The following CDH20 variants were observed in gnomAD, a reference collection of about 807,000 sequenced individuals.
CDH20 encodes cadherin-20.
Under a neutral mutation model 74.2 loss-of-function variants are expected in CDH20, and 29 were observed. The ratio of observed to expected loss-of-function variants is 0.39; its 90% confidence interval spans 0.29 to 0.53. The LOEUF is 0.53. Among genes scored for constraint, CDH20 ranks in the 20% least tolerant of loss-of-function variants. The pLI is 0.69. For synonymous variants in CDH20, 469 were observed against 405.4 expected (o/e 1.16, Z -1.88); for missense variants, 988 against 1,048.3 (o/e 0.94, Z 0.79).
chr18:61,428,563 C>G (rs1913151237), intron 1 of CDH20, among the ~76,000 whole-genome samples: 2 of 152,158 alleles, frequency 1.3e-5, no homozygotes, highest in African/African-American at 4.8e-5. Flanking sequence ...TGTAGAAGAT[C>G]CCCATCAACA....
chr18:61,337,724 A>G (rs1032774840), intron 1 of CDH20, among the ~76,000 whole-genome samples: 2 of 152,222 alleles, frequency 1.3e-5, no homozygotes, highest in Non-Finnish European at 2.9e-5. Flanking sequence ...ACTCCTTCTG[A>G]AATGACTACT....
In CDH20 at chr18:61,503,003, T is replaced by C. The variant is rs141765516; in HGVS notation, c.712T>C (p.Tyr238His). 8.7e-6 allele frequency: 14 copies of C among 1,614,020 alleles called. 1 individual carries two copies. In the Middle Eastern group the frequency reaches 4.9e-4, roughly 57 times the overall value. ...MNMDREAKEY[Y>H]EVIIQAKDMG... ...CATGGACAGAGAAGCCAAAGAATAC[T>C]ACGAAGTGATTATCCAAGCCAAGGA... The change falls in exon 5 of 12, where the codon TAC becomes CAC. Residue 238 changes from tyrosine (Y) to histidine (H), a missense_variant. Transcript: ENST00000262717.
chr18:61,412,878 T>C (rs1012798535), intron 1 of CDH20, among the ~76,000 whole-genome samples: 2 of 152,288 alleles, frequency 1.3e-5, no homozygotes, highest in Admixed American at 6.5e-5. Context: ...CACACAAGTA[T>C]GTGAACAATG....
At chr18:61,470,106 G>GC (rs1910111627) in intron 1 of CDH20, among the ~76,000 whole-genome samples, 1 of 152,230 alleles carries the variant, frequency 6.6e-6, no homozygotes, top group East Asian at 1.9e-4. Context: ...TCTCACCTCT[G>GC]CCGGCGGTCT....
intron 7 of CDH20, among the ~76,000 whole-genome samples, chr18:61,530,261 T>C (rs1453389950): frequency 6.6e-6 from 1 of 152,188 alleles, no homozygotes; most frequent in Non-Finnish European, 1.5e-5. Context: ...GGTCCTAGAC[T>C]CTCAGAGGGA....
At chr18:61,473,557 T>A (rs1194375173) in intron 1 of CDH20, among the ~76,000 whole-genome samples, 1 of 152,200 alleles carries the variant, frequency 6.6e-6, no homozygotes, top group African/African-American at 2.4e-5. Flanking sequence ...AATAACAGCA[T>A]TTTCCATTCC....
At chr18:61,517,565 C>T (rs757885666) in intron 6 of CDH20, among the ~76,000 whole-genome samples, 5 of 152,178 alleles carry the variant, frequency 3.3e-5, no homozygotes, top group East Asian at 1.9e-4. Context: ...CCAGATATTA[C>T]GCTTTTCCCA....
intron 8 of CDH20, among the ~76,000 whole-genome samples, chr18:61,538,578 C>CTTTGTTTTTTTTTTTT (rs1555684264): frequency 1.4e-4 from 5 of 34,994 alleles, no homozygotes; most frequent in Non-Finnish European, 3.0e-4. Flanking sequence ...TAAATAACTA[C>CTTTGTTTTTTTTTTTT]TTTTTGTTTG....
chr18:61,517,695 T>TG lies in CDH20; in HGVS notation c.1017+10135_1017+10136insG, dbSNP rs1555682482. Among the ~76,000 whole-genome samples, 488 of 152,030 alleles carry TG rather than the reference T, an allele frequency of 3.2e-3. 6 individuals carry two copies. The highest frequency in any genetic ancestry group is 0.011 in the African/African-American group (454 of 41,466). ...AGACACCGAACTAGCTGCAGTTTTTTTTGTTGTTGTTGTTGTTTTGTTTTG... is the reference window on the plus strand; with the variant it reads ...AGACACCGAACTAGCTGCAGTTTTTTGTTGTTGTTGTTGTTGTTTTGTTTTG... On this transcript the variant is annotated intron_variant, in intron 6 of 11. Coordinates refer to ENST00000262717, the MANE Select transcript of CDH20 (RefSeq NM_031891.4).
In CDH20 at chr18:61,555,021, T is replaced by G. The variant is rs550833243; in HGVS notation, c.*326T>G. 1 of 1,154,474 alleles carries G rather than the reference T, an allele frequency of 8.7e-7. No homozygotes were observed. The highest frequency in any genetic ancestry group is 4.2e-5 in the Admixed American group (1 of 23,846). 71.5% of individuals were successfully genotyped at this position (1,154,474 alleles called of 1,614,324 possible). A position where few individuals can be genotyped will look rare whatever the true frequency, so the allele number is the denominator to read the frequency against. On this transcript the variant is annotated 3_prime_UTR_variant, in exon 12 of 12. Coordinates refer to ENST00000262717, the MANE Select transcript of CDH20 (RefSeq NM_031891.4). The stretch of plus-strand genomic sequence containing the variant: ...TGCCATTCGCTAAGGCCTTTGTCAC[T>G]TTTCCACCACAGAAAGGCTCTGGCC...
chr18:61,340,636 C>A (rs1909918008), intron 1 of CDH20, among the ~76,000 whole-genome samples: 1 of 152,086 alleles, frequency 6.6e-6, no homozygotes, highest in South Asian at 2.1e-4. Flanking sequence ...GCTATTAATA[C>A]AAAATATTTT....
chr18:61,457,620 C>A (rs973555216), intron 1 of CDH20, among the ~76,000 whole-genome samples: 1 of 152,152 alleles, frequency 6.6e-6, no homozygotes, highest in South Asian at 2.1e-4. Context: ...GTATGAATGC[C>A]TGTTCCTTCT....
chr18:61,431,145 TCCCATGTTGCCTTC>T (rs1376569659), intron 1 of CDH20, among the ~76,000 whole-genome samples: 1 of 152,172 alleles, frequency 6.6e-6, no homozygotes, highest in Non-Finnish European at 1.5e-5. Flanking sequence ...CTTTCTAGCA[TCCCATGTTGCCTTC>T]CTGCAACCTC....
intron 1 of CDH20, among the ~76,000 whole-genome samples, chr18:61,456,083 C>T (rs972963352): frequency 6.6e-6 from 1 of 152,222 alleles, no homozygotes; most frequent in Non-Finnish European, 1.5e-5. Context: ...ACAAGCTTCA[C>T]CGTTTGGGGT....
intron 1 of CDH20, among the ~76,000 whole-genome samples, chr18:61,431,808 G>GT (rs1472528318): frequency 6.6e-6 from 1 of 152,068 alleles, no homozygotes; most frequent in Non-Finnish European, 1.5e-5. Context: ...CCTTTATCTG[G>GT]TTTTTGTAGC....
chr18:61,478,913 T>G (rs1404049835), intron 1 of CDH20, among the ~76,000 whole-genome samples: 1 of 151,980 alleles, frequency 6.6e-6, no homozygotes, highest in African/African-American at 2.4e-5. Flanking sequence ...CTTGATCCTG[T>G]GAAACTGCAA....
In CDH20 at chr18:61,554,278, C is replaced by A; in HGVS notation, c.1989C>A (p.Val663=). The A allele has an allele frequency of 1.2e-6, 2 of 1,614,026 alleles. No individual in the cohort carries two copies. Among genetic ancestry groups the A allele is most frequent in the Non-Finnish European group, 1.7e-6 (2 of 1,180,016 alleles). The part of the protein sequence containing the change: ...DDEENIHENI[V]RYDDEGGGEE... Reference sequence around the variant, plus strand: ...AGGAAAACATCCACGAGAACATCGTCCGCTACGACGACGAGGGCGGCGGCG... The same window carrying A: ...AGGAAAACATCCACGAGAACATCGTACGCTACGACGACGAGGGCGGCGGCG... The change falls in exon 12 of 12, where the codon GTC becomes GTA. Residue 663 remains valine, a synonymous_variant. Transcript: ENST00000262717.
intron 5 of CDH20, 150 bp downstream of exon 5, chr18:61,503,270 A>G (rs943580946): frequency 1.7e-6 from 1 of 576,376 alleles, no homozygotes; most frequent in African/African-American, 1.9e-5. Flanking sequence ...TTCTCGCATA[A>G]CTATTTGCCT....
chr18:61,479,529 T>C (rs374901509), intron 1 of CDH20, among the ~76,000 whole-genome samples: 72 of 152,346 alleles, frequency 4.7e-4, no homozygotes, highest in African/African-American at 1.7e-3. Context: ...TTATTTATTA[T>C]GGATAAATGT....
Sources: gnomAD v4.1 joint callset for allele counts (sites outside exome capture counted in the v4.1 genomes callset) on GRCh38, gnomAD v4.1.1 for gene constraint, MANE v1.5 for transcripts, NCBI Gene and HGNC (gene_info 2026-07-23, HGNC 2026-07-21) for gene names.